The following FOXP1 variants were observed in gnomAD, a reference collection of about 807,000 sequenced individuals.
The protein encoded by FOXP1 is forkhead box protein P1.
Under a neutral mutation model 98.2 loss-of-function variants are expected in FOXP1, and 15 were observed. That is an observed-to-expected ratio of 0.15 (90% confidence interval 0.10 to 0.24). The LOEUF (loss-of-function observed/expected upper bound fraction) is 0.24. Among genes scored for constraint, FOXP1 ranks in the 10% least tolerant of loss-of-function variants. The pLI is 1.00. For synonymous variants in FOXP1, 371 were observed against 314.5 expected (o/e 1.18, Z -1.90); for missense variants, 633 against 848.5 (o/e 0.75, Z 3.15).
chr3:71,177,015 A>G (rs2061982863), intron 6 of FOXP1, among the ~76,000 whole-genome samples: 1 of 151,756 alleles, frequency 6.6e-6, no homozygotes, highest in Admixed American at 6.6e-5. Flanking sequence ...GTGAGCCGAG[A>G]TCGTGCCACT....
At chr3:71,046,639 G>GC (rs1414160384) in intron 10 of FOXP1, among the ~76,000 whole-genome samples, 3 of 152,154 alleles carry the variant, frequency 2.0e-5, no homozygotes, top group Non-Finnish European at 4.4e-5. Context: ...CAGAAACACT[G>GC]CAAGAGTCCA....
intron 12 of FOXP1, among the ~76,000 whole-genome samples, chr3:71,007,623 G>A (rs1005303720): frequency 6.6e-6 from 1 of 152,114 alleles, no homozygotes; most frequent in African/African-American, 2.4e-5. Context: ...CCTCTTTGTC[G>A]AGGCTTTCTT....
intron 17 of FOXP1, among the ~76,000 whole-genome samples, chr3:70,975,766 C>A (rs1218604859): frequency 2.0e-5 from 3 of 152,014 alleles, no homozygotes; most frequent in Non-Finnish European, 4.4e-5. Context: ...GTACCTGTCC[C>A]CTTCTATAAG....
chr3:71,162,837 T>C (rs897604958), intron 6 of FOXP1, among the ~76,000 whole-genome samples: 2 of 152,246 alleles, frequency 1.3e-5, no homozygotes, highest in African/African-American at 4.8e-5. Context: ...TACTGGGTAC[T>C]TGAGTTGAAG....
At chr3:70,964,889 G>C (rs1483749803) in intron 20 of FOXP1, among the ~76,000 whole-genome samples, 1 of 152,120 alleles carries the variant, frequency 6.6e-6, no homozygotes, top group Non-Finnish European at 1.5e-5. Flanking sequence ...TTTGTCATTA[G>C]ATGCCAATTC....
intron 7 of FOXP1, among the ~76,000 whole-genome samples, chr3:71,058,178 C>A (rs1020973748): frequency 1.3e-5 from 2 of 152,030 alleles, no homozygotes; most frequent in African/African-American, 4.8e-5. Context: ...GGAGAAGACA[C>A]AATATAAATA....
chr3:71,267,336 A>G (rs2069792849), intron 5 of FOXP1, among the ~76,000 whole-genome samples: 1 of 152,184 alleles, frequency 6.6e-6, no homozygotes, highest in African/African-American at 2.4e-5. Context: ...AAAAATTTAA[A>G]TAAGTATACA....
rs1268182985 is a variant in FOXP1, at chr3:70,958,309, CTCTT to C, written c.*934_*937del. 2 of 534,372 alleles carry C rather than the reference CTCTT, an allele frequency of 3.7e-6. No homozygotes were observed. Among genetic ancestry groups the C allele is most frequent in the Non-Finnish European group, 7.2e-6 (2 of 276,120 alleles). The allele number at this position is 534,372 out of a possible 1,614,324, so 33.1% of individuals were successfully genotyped here. On this transcript the variant is annotated 3_prime_UTR_variant, in exon 21 of 21. Transcript: ENST00000649528. ...TCGGCATTGTTCCTAGAGTTTGTCTCTCTTTTTTTTTTCTGTCATTCATTCTCTT... is the reference window on the plus strand; with the variant it reads ...TCGGCATTGTTCCTAGAGTTTGTCTCTTTTTTTTCTGTCATTCATTCTCTT...
In FOXP1 at chr3:71,342,632, GC is replaced by G. The variant is rs893699895; in HGVS notation, c.-73+16517del. ...TGCTTAAACCGGGGAGGTGGAGGCT[GC>G]AGTGAGCCGAGATCACGCCATTGCA... On this transcript the variant is annotated intron_variant, in intron 4 of 20. Coordinates refer to ENST00000649528, the MANE Select transcript of FOXP1 (RefSeq NM_001349338.3). Among the ~76,000 whole-genome samples the G allele has an allele frequency of 1.2e-3, 184 of 151,550 alleles. 1 individual carries two copies. The highest frequency in any genetic ancestry group is 4.3e-3 in the African/African-American group (177 of 41,350).
At chr3:71,130,422 T>C (rs958965127) in intron 6 of FOXP1, 17 of 1,439,028 alleles carry the variant, frequency 1.2e-5, no homozygotes, top group African/African-American at 2.8e-5. Flanking sequence ...CTTCAGAGAA[T>C]GTCTGCACAA....
chr3:71,563,977 A>G (rs1168686842), intron 2 of FOXP1, among the ~76,000 whole-genome samples: 1 of 152,246 alleles, frequency 6.6e-6, no homozygotes, highest in African/African-American at 2.4e-5. Flanking sequence ...GTAAGGTGAT[A>G]ATGCTTGTAT....
chr3:71,294,539 C>A (rs377151716), intron 5 of FOXP1, among the ~76,000 whole-genome samples: 1 of 152,082 alleles, frequency 6.6e-6, no homozygotes, highest in Non-Finnish European at 1.5e-5. Flanking sequence ...TTACACGGTG[C>A]TATAATCTCA....
At chr3:71,567,684 TG>T (rs1156783210) in intron 2 of FOXP1, among the ~76,000 whole-genome samples, 3 of 152,140 alleles carry the variant, frequency 2.0e-5, no homozygotes, top group Non-Finnish European at 4.4e-5. Flanking sequence ...CTCTACTTGA[TG>T]GGGCTCGATT....
chr3:71,114,820 A>G (rs374534829), intron 6 of FOXP1, among the ~76,000 whole-genome samples: 2 of 152,202 alleles, frequency 1.3e-5, no homozygotes, highest in Admixed American at 1.3e-4. Flanking sequence ...CTGCTGTCTC[A>G]GGGAGGATTC....
At chr3:71,561,206 A>G (rs1029055030) in intron 2 of FOXP1, among the ~76,000 whole-genome samples, 3 of 151,852 alleles carry the variant, frequency 2.0e-5, no homozygotes, top group Admixed American at 2.0e-4. Context: ...ACAGGCATGC[A>G]CCACCACGCC....
At chr3:71,033,780 T>C (rs1033892369) in intron 11 of FOXP1, among the ~76,000 whole-genome samples, 3 of 152,056 alleles carry the variant, frequency 2.0e-5, no homozygotes, top group African/African-American at 7.2e-5. Context: ...CCAAAAGTGA[T>C]TGGTTTTAAG....
At chr3:71,491,167 C>T (rs1394267357) in intron 3 of FOXP1, among the ~76,000 whole-genome samples, 1 of 152,148 alleles carries the variant, frequency 6.6e-6, no homozygotes, top group Non-Finnish European at 1.5e-5. Flanking sequence ...AGGCACCCAC[C>T]ACCACGCCCA....
At position 71,005,749 on chromosome 3, in the gene FOXP1, A is replaced by C. The variant is rs73118215; in HGVS notation, c.975-4690T>G. Among the ~76,000 whole-genome samples, 36 of 152,286 alleles carry C rather than the reference A, an allele frequency of 2.4e-4. 1 individual carries two copies. Among genetic ancestry groups the C allele is most frequent in the Admixed American group, 1.2e-3 (19 of 15,274 alleles). ...AAAAACCTTCCAAAAATAAAGCAAGAAAATCCAAAGCAGAAAAGGAAAAGT... is the reference window on the plus strand; with the variant it reads ...AAAAACCTTCCAAAAATAAAGCAAGCAAATCCAAAGCAGAAAAGGAAAAGT... On this transcript the variant is annotated intron_variant, in intron 12 of 20. Transcript: ENST00000649528.
intron 5 of FOXP1, among the ~76,000 whole-genome samples, chr3:71,203,424 T>C (rs1421126787): frequency 6.6e-6 from 1 of 152,244 alleles, no homozygotes; most frequent in Non-Finnish European, 1.5e-5. Context: ...GGAAGTATTC[T>C]GGAAAATTCA....
Sources: gnomAD v4.1 joint callset for allele counts (sites outside exome capture counted in the v4.1 genomes callset) on GRCh38, gnomAD v4.1.1 for gene constraint, MANE v1.5 for transcripts, NCBI Gene and HGNC (gene_info 2026-07-23, HGNC 2026-07-21) for gene names.